The following IL1RAPL2 variants were observed in gnomAD, a reference collection of about 807,000 sequenced individuals.
IL1RAPL2 encodes X-linked interleukin-1 receptor accessory protein-like 2.
IL1RAPL2 carries 3 observed loss-of-function variants against 44.1 expected under a neutral mutation model. The ratio of observed to expected loss-of-function variants is 0.07; its 90% CI spans 0.03 to 0.18. The LOEUF is 0.18. IL1RAPL2 is among the 10% of genes least tolerant of loss of function. IL1RAPL2 has a pLI of 1.00. For synonymous variants in IL1RAPL2, 181 were observed against 178.8 expected (o/e 1.01, Z -0.10); for missense variants, 391 against 496.4 (o/e 0.79, Z 2.02).
At chrX:104,895,294 C>G (rs975527193) in intron 2 of IL1RAPL2, among the ~76,000 whole-genome samples, 6 of 112,204 alleles carry the variant, frequency 5.3e-5, no homozygotes, top group Admixed American at 9.4e-5. Flanking sequence ...CTGGGAGAAC[C>G]ACTACTCACT....
chrX:104,966,639 T>C (rs1434333371), intron 2 of IL1RAPL2, among the ~76,000 whole-genome samples: 1 of 111,650 alleles, frequency 9.0e-6, no homozygotes, highest in Non-Finnish European at 1.9e-5. Flanking sequence ...AAATCCACAA[T>C]CATGAGGGCA....
At chrX:105,597,429 G>A (rs2037219036) in intron 6 of IL1RAPL2, among the ~76,000 whole-genome samples, 2 of 111,359 alleles carry the variant, frequency 1.8e-5, no homozygotes, top group African/African-American at 6.5e-5. Flanking sequence ...TCTTCAGACT[G>A]TACAGGAAGA....
chrX:105,072,449 T>G (rs757679271), intron 2 of IL1RAPL2, among the ~76,000 whole-genome samples: 8 of 109,644 alleles, frequency 7.3e-5, no homozygotes, highest in African/African-American at 2.3e-4. Context: ...ACAGGCAGAG[T>G]TGGAACAGTT....
chrX:104,695,030 A>G (rs748245318), intron 2 of IL1RAPL2, among the ~76,000 whole-genome samples: 1 of 112,215 alleles, frequency 8.9e-6, no homozygotes, highest in South Asian at 3.8e-4. Flanking sequence ...CTGTCACTCA[A>G]CAATCCATTG....
At chrX:105,031,769 A>G (rs1164956035) in intron 2 of IL1RAPL2, among the ~76,000 whole-genome samples, 1 of 111,403 alleles carries the variant, frequency 9.0e-6, no homozygotes, top group African/African-American at 3.3e-5. Flanking sequence ...AAAATGAGTA[A>G]GGGAGGATTC....
chrX:105,667,350 T>C (rs767280746), intron 6 of IL1RAPL2, among the ~76,000 whole-genome samples: 1 of 112,343 alleles, frequency 8.9e-6, no homozygotes, highest in Admixed American at 9.4e-5. Flanking sequence ...AGCTTGCTTA[T>C]GTCTAAACTT....
intron 5 of IL1RAPL2, among the ~76,000 whole-genome samples, chrX:105,292,608 A>T (rs1327881052): frequency 8.9e-6 from 1 of 112,064 alleles, no homozygotes; most frequent in Non-Finnish European, 1.9e-5. Flanking sequence ...TCAAAAATAT[A>T]AAAACAATAA....
intron 2 of IL1RAPL2, among the ~76,000 whole-genome samples, chrX:105,047,014 C>A (rs1330041956): frequency 1.8e-5 from 2 of 110,062 alleles, no homozygotes; most frequent in Admixed American, 9.8e-5. Context: ...AGTAAAATTC[C>A]TTCCACATAC....
chrX:104,825,548 A>C (rs1002704143), intron 2 of IL1RAPL2, among the ~76,000 whole-genome samples: 12 of 112,045 alleles, frequency 1.1e-4, no homozygotes, highest in African/African-American at 3.9e-4. Context: ...AATTTCTCCA[A>C]GTGCTCTGGA....
chrX:105,330,617 G>C (rs1169654653), intron 5 of IL1RAPL2, among the ~76,000 whole-genome samples: 1 of 110,859 alleles, frequency 9.0e-6, no homozygotes, highest in Non-Finnish European at 1.9e-5. Flanking sequence ...TGTCCTGATG[G>C]GTATCAGTAC....
intron 6 of IL1RAPL2, among the ~76,000 whole-genome samples, chrX:105,639,168 G>A (rs750232539): frequency 1.8e-5 from 2 of 111,725 alleles, no homozygotes; most frequent in East Asian, 5.6e-4. Flanking sequence ...TTGTGCTGAG[G>A]AGAAAAGTCA....
intron 2 of IL1RAPL2, among the ~76,000 whole-genome samples, chrX:104,801,068 C>T (rs1403666446): frequency 1.8e-5 from 2 of 112,881 alleles, no homozygotes; most frequent in Admixed American, 9.3e-5. Flanking sequence ...TATGCGAATT[C>T]ATTAGGATAG....
At chrX:105,731,092 T>C (rs767188689) in intron 7 of IL1RAPL2, among the ~76,000 whole-genome samples, 58 of 110,270 alleles carry the variant, frequency 5.3e-4, no homozygotes, top group Non-Finnish European at 1.1e-3. Flanking sequence ...GAAAAGTTAT[T>C]TTGAAAAAAT....
chrX:105,388,913 C>G (rs1459592609), intron 5 of IL1RAPL2, among the ~76,000 whole-genome samples: 1 of 111,437 alleles, frequency 9.0e-6, no homozygotes, highest in Non-Finnish European at 1.9e-5. Flanking sequence ...AGATTTGTAA[C>G]TTGAGATGCA....
intron 6 of IL1RAPL2, among the ~76,000 whole-genome samples, chrX:105,591,731 G>C (rs376242728): frequency 4.7e-4 from 53 of 111,794 alleles, no homozygotes; most frequent in African/African-American, 1.7e-3. Flanking sequence ...ATGATTTTGA[G>C]CAATCTTCTT....
intron 6 of IL1RAPL2, among the ~76,000 whole-genome samples, chrX:105,608,512 T>C (rs1277524452): frequency 9.0e-6 from 1 of 111,179 alleles, no homozygotes; most frequent in Non-Finnish European, 1.9e-5. Flanking sequence ...AAGCAGAGAG[T>C]ATATGTTTGT....
intron 2 of IL1RAPL2, among the ~76,000 whole-genome samples, chrX:105,139,350 G>T (rs568558449): frequency 2.2e-4 from 24 of 111,450 alleles, no homozygotes; most frequent in Middle Eastern, 4.6e-3. Flanking sequence ...GAGTCATTGA[G>T]TTTGAAAAAG....
At chrX:104,946,346 G>C (rs1236544125) in intron 2 of IL1RAPL2, among the ~76,000 whole-genome samples, 1 of 70,100 alleles carries the variant, frequency 1.4e-5, no homozygotes, top group African/African-American at 5.9e-5. Flanking sequence ...GCAGTCCGCA[G>C]TCTGGCCTGG....
chrX:104,882,479 G>A (rs1246107769), intron 2 of IL1RAPL2, among the ~76,000 whole-genome samples: 2 of 111,881 alleles, frequency 1.8e-5, no homozygotes, highest in African/African-American at 6.5e-5. Context: ...AGCCGGCTGG[G>A]CTTCTGGGTC....
Sources: gnomAD v4.1 joint callset for allele counts (sites outside exome capture counted in the v4.1 genomes callset) on GRCh38, gnomAD v4.1.1 for gene constraint, MANE v1.5 for transcripts, NCBI Gene and HGNC (gene_info 2026-07-23, HGNC 2026-07-21) for gene names.